MYT1L: variants seen among roughly 807,000 people sequenced by gnomAD.
The protein encoded by MYT1L is myelin transcription factor 1-like protein.
A neutral mutation model predicts 126.7 loss-of-function variants in MYT1L; 12 were observed. The observed-to-expected ratio is 0.09, with a 90% CI of 0.06 to 0.15. MYT1L has a LOEUF of 0.15. MYT1L is among the 10% of genes least tolerant of loss of function. The probability of loss-of-function intolerance (pLI) is 1.00; values close to 1 mark genes in which losing one functional copy is unlikely to be tolerated. For missense variants in MYT1L, 979 were observed against 1,585.2 expected (o/e 0.62, Z 6.49); for synonymous variants, 541 against 604.2 (o/e 0.90, Z 1.53).
At position 1,789,700 on chromosome 2, in the gene MYT1L, G is replaced by A. The variant is rs2031696311; in HGVS notation, c.*2167C>T. 1 of 152,154 alleles carries A rather than the reference G, an allele frequency of 6.6e-6. No individual in the cohort carries two copies. Among genetic ancestry groups the A allele is most frequent in the Non-Finnish European group, 1.5e-5 (1 of 68,052 alleles). The allele number at this position is 152,154 out of a possible 1,614,324, so 9.4% of individuals were successfully genotyped here. On this transcript the variant is annotated 3_prime_UTR_variant, in exon 25 of 25. Transcript: ENST00000647738. ...ATGCATATGCTGTTATGAACAATGG[G>A]GGCCCTAAAGGCAGCTGGGGCCCTG...
At chr2:1,986,410 C>T (rs1247037999) in intron 5 of MYT1L, among the ~76,000 whole-genome samples, 1 of 152,094 alleles carries the variant, frequency 6.6e-6, no homozygotes, top group African/African-American at 2.4e-5. Context: ...AGGGTATTTG[C>T]TCTGGGAAAA....
Position 1,956,524 on chromosome 2 carries a change from T to G in MYT1L, c.153-13190A>C, listed in dbSNP as rs556985443. Among the ~76,000 whole-genome samples the G allele has an allele frequency of 1.3e-3, 184 of 138,900 alleles. 2 individuals are homozygous for G. The highest frequency in any genetic ancestry group is 2.3e-3 in the African/African-American group (76 of 32,822). The allele number at this position is 138,900 out of a possible 152,430, so 91.1% of individuals were successfully genotyped here. ...ATTTCCTATTCTATCTATCTATCTA[T>G]CTATCTATCTATCTATCTATCTATC... is the stretch of plus-strand genomic sequence containing the variant. On this transcript the variant is annotated intron_variant, in intron 8 of 24. Transcript: ENST00000647738.
chr2:1,832,462 C>T (rs1289944485), intron 21 of MYT1L, among the ~76,000 whole-genome samples: 1 of 152,214 alleles, frequency 6.6e-6, no homozygotes, highest in African/African-American at 2.4e-5. Flanking sequence ...CCAGCATTGC[C>T]ACCCGTGCAG....
At chr2:2,033,641 C>G (rs960025157) in intron 4 of MYT1L, among the ~76,000 whole-genome samples, 1 of 152,176 alleles carries the variant, frequency 6.6e-6, no homozygotes, top group African/African-American at 2.4e-5. Flanking sequence ...TTTCACCTTG[C>G]TCACGAAATT....
chr2:1,915,659 C>T (rs987430908), intron 11 of MYT1L, among the ~76,000 whole-genome samples: 4 of 152,188 alleles, frequency 2.6e-5, no homozygotes, highest in African/African-American at 7.2e-5. Flanking sequence ...GGTGTCACAT[C>T]GTGTGTTCAG....
At chr2:2,104,472 T>C (rs975010739) in intron 3 of MYT1L, among the ~76,000 whole-genome samples, 1 of 152,164 alleles carries the variant, frequency 6.6e-6, no homozygotes, top group Non-Finnish European at 1.5e-5. Flanking sequence ...CACTAGCCCT[T>C]TAGTAAGTGG....
At position 2,245,213 on chromosome 2, in the gene MYT1L, G is replaced by C. The variant is rs557322684; in HGVS notation, c.-421+39191C>G. 2.0e-5 allele frequency among the ~76,000 whole-genome samples: 3 copies of C among 152,286 alleles called. No homozygotes were observed. In the South Asian group the frequency reaches 6.2e-4, roughly 32 times the overall value. On this transcript the variant is annotated intron_variant, in intron 2 of 24. Coordinates refer to ENST00000647738, the MANE Select transcript of MYT1L (RefSeq NM_001303052.2). ...AAAACAGAGAAAAGATTGGAAGTAT[G>C]GGTCGGAATTATGGTGGAGGATGAT... is the stretch of plus-strand genomic sequence containing the variant.
At chr2:1,916,516 A>G (rs893000722) in intron 11 of MYT1L, among the ~76,000 whole-genome samples, 2 of 152,216 alleles carry the variant, frequency 1.3e-5, no homozygotes, top group African/African-American at 4.8e-5. Context: ...GGCATACTTT[A>G]TGTGCTGAAA....
intron 18 of MYT1L, among the ~76,000 whole-genome samples, chr2:1,882,315 G>A (rs1424101733): frequency 1.3e-5 from 2 of 152,050 alleles, no homozygotes; most frequent in African/African-American, 2.4e-5. Flanking sequence ...CTTCTCCCCC[G>A]AGACATTCCC....
rs1239594123 is a variant in MYT1L at position 2,004,165 on chromosome 2, T to TCTTTCCTGCGTGCCTC, written c.-157-6834_-157-6819dup. Reference sequence around the variant, plus strand: ...TGCATACGTTCTTTCCTGTGTGCCTTCTTTCCTGCGTGCCTCCTTTCCTGC... The same window carrying TCTTTCCTGCGTGCCTC: ...TGCATACGTTCTTTCCTGTGTGCCTTCTTTCCTGCGTGCCTCCTTTCCTGCGTGCCTCCTTTCCTGC... On this transcript the variant is annotated intron_variant, in intron 4 of 24. Coordinates refer to ENST00000647738, the MANE Select transcript of MYT1L (RefSeq NM_001303052.2). 2.7e-5 allele frequency among the ~76,000 whole-genome samples: 4 copies of TCTTTCCTGCGTGCCTC among 149,928 alleles called. No homozygotes were observed. In the East Asian group the frequency reaches 6.0e-4, roughly 22 times the overall value.
intron 3 of MYT1L, among the ~76,000 whole-genome samples, chr2:2,125,642 G>A (rs1575346958): frequency 6.6e-6 from 1 of 152,108 alleles, no homozygotes; most frequent in African/African-American, 2.4e-5. Flanking sequence ...AAATTAGGGA[G>A]TAATTAGAAA....
intron 8 of MYT1L, among the ~76,000 whole-genome samples, chr2:1,976,605 G>A (rs1165500408): frequency 6.6e-6 from 1 of 152,190 alleles, no homozygotes; most frequent in Admixed American, 6.5e-5. Flanking sequence ...TTGTGCCACT[G>A]CACTCCAGCC....
chr2:2,091,960 T>C (rs1387515552), intron 3 of MYT1L, among the ~76,000 whole-genome samples: 3 of 152,224 alleles, frequency 2.0e-5, no homozygotes, highest in Admixed American at 6.5e-5. Flanking sequence ...GAAGGGAATA[T>C]TGTGGCTGCT....
intron 4 of MYT1L, among the ~76,000 whole-genome samples, chr2:2,024,790 CA>C (rs2065365390): frequency 6.6e-6 from 1 of 152,246 alleles, no homozygotes; most frequent in Admixed American, 6.5e-5. Context: ...TCAATATCAT[CA>C]AGGTGTTCTC....
intron 18 of MYT1L, among the ~76,000 whole-genome samples, chr2:1,874,266 T>A (rs1409458533): frequency 6.6e-6 from 1 of 152,140 alleles, no homozygotes; most frequent in Non-Finnish European, 1.5e-5. Flanking sequence ...TACAAGTCAT[T>A]TCTCCACAAG....
intron 3 of MYT1L, among the ~76,000 whole-genome samples, chr2:2,062,860 G>A (rs2070710524): frequency 6.6e-6 from 1 of 152,020 alleles, no homozygotes; most frequent in Admixed American, 6.6e-5. Context: ...TCCCAAGAAT[G>A]AGGGGGTGTG....
At chr2:2,256,247 G>A (rs532662248) in intron 2 of MYT1L, among the ~76,000 whole-genome samples, 1 of 152,352 alleles carries the variant, frequency 6.6e-6, no homozygotes, top group Non-Finnish European at 1.5e-5. Flanking sequence ...GCCAGTGTGG[G>A]CACCATCAGC....
chr2:1,971,976 A>G (rs925991068), intron 8 of MYT1L, among the ~76,000 whole-genome samples: 3 of 152,210 alleles, frequency 2.0e-5, no homozygotes, highest in African/African-American at 7.2e-5. Flanking sequence ...TATAATATGC[A>G]TGCCCTATCT....
intron 2 of MYT1L, among the ~76,000 whole-genome samples, chr2:2,199,570 C>T (rs1312203764): frequency 6.6e-6 from 1 of 152,180 alleles, no homozygotes; most frequent in African/African-American, 2.4e-5. Context: ...CCCGTCCTCG[C>T]ATTTGATGGC....
Sources: gnomAD v4.1 joint callset for allele counts (sites outside exome capture counted in the v4.1 genomes callset) on GRCh38, gnomAD v4.1.1 for gene constraint, MANE v1.5 for transcripts, NCBI Gene and HGNC (gene_info 2026-07-23, HGNC 2026-07-21) for gene names.